Variants in TGFBR1 observed in about 807,000 individuals in gnomAD.
The protein encoded by TGFBR1 is TGF-beta receptor type-1.
Under a neutral mutation model 55.1 loss-of-function variants are expected in TGFBR1, and 20 were observed. That is an observed-to-expected ratio of 0.36 (90% CI 0.26 to 0.53). The LOEUF (loss-of-function observed/expected upper bound fraction) is 0.53, where lower values mean the gene tolerates loss of function less well. Ranked by LOEUF, TGFBR1 falls within the 20% of genes least tolerant of loss-of-function variation. The pLI, the probability that TGFBR1 is intolerant of heterozygous loss-of-function variation, is 0.91. For missense variants in TGFBR1, 385 were observed against 617.6 expected, an observed-to-expected ratio of 0.62 and a Z score of 3.99; for synonymous variants, 220 against 214.8, an observed-to-expected ratio of 1.02 and a Z score of -0.21.
intron 1 of TGFBR1, among the ~76,000 whole-genome samples, chr9:99,106,440 T>G (rs749300046): frequency 3.9e-5 from 6 of 152,214 alleles, no homozygotes; most frequent in Non-Finnish European, 7.3e-5. Flanking sequence ...TGAAATTTTT[T>G]TAAAAAATCA....
Position 99,138,132 on chromosome 9 carries a change from C to G in TGFBR1, c.805+43C>G, listed in dbSNP as rs749308450. ...TTCCTTATGTTATATATAACAAGAT[C>G]TCTTTAAGTCTTTACAGATATGGTG... On this transcript the variant is annotated intron_variant, in intron 4 of 8. Coordinates refer to ENST00000374994, the MANE Select transcript of TGFBR1 (RefSeq NM_004612.4). 2.6e-6 allele frequency: 4 copies of G among 1,532,826 alleles called. No homozygotes were observed. In the African/African-American group the frequency reaches 5.5e-5, roughly 21 times the overall value. 95.0% of individuals were successfully genotyped at this position (1,532,826 alleles called of 1,614,324 possible).
chr9:99,142,937 T>C (rs965778827), intron 5 of TGFBR1, among the ~76,000 whole-genome samples: 1 of 152,198 alleles, frequency 6.6e-6, no homozygotes, highest in Non-Finnish European at 1.5e-5. Flanking sequence ...CATGCACCTG[T>C]AGTCCCAGCT....
chr9:99,112,148 G>C (rs1826604265), intron 1 of TGFBR1, among the ~76,000 whole-genome samples: 1 of 152,206 alleles, frequency 6.6e-6, no homozygotes, highest in Non-Finnish European at 1.5e-5. Context: ...GAAAAAGAAT[G>C]TCTAATTGTG....
chr9:99,112,081 A>T (rs574017857), intron 1 of TGFBR1, among the ~76,000 whole-genome samples: 1 of 152,210 alleles, frequency 6.6e-6, no homozygotes, highest in Non-Finnish European at 1.5e-5. Flanking sequence ...TTCATGGTGT[A>T]AAGGGTGGGC....
At chr9:99,142,387 T>C (rs1827640628) in intron 4 of TGFBR1, 149 bp from the exon 5 acceptor site, 2 of 828,948 alleles carry the variant, frequency 2.4e-6, no homozygotes, top group South Asian at 1.6e-5. Context: ...AAACAAACAA[T>C]GTAGAAGAAA....
chr9:99,143,025 C>T (rs1481941208), intron 5 of TGFBR1, among the ~76,000 whole-genome samples: 1 of 152,086 alleles, frequency 6.6e-6, no homozygotes, highest in Non-Finnish European at 1.5e-5. Context: ...TGCCACTGCA[C>T]TCCCAGCTGA....
intron 4 of TGFBR1, among the ~76,000 whole-genome samples, chr9:99,138,892 G>T (rs893607668): frequency 1.3e-5 from 2 of 151,960 alleles, no homozygotes; most frequent in African/African-American, 4.8e-5. Flanking sequence ...CTGCCTCCTG[G>T]GTTCAAGTGG....
intron 3 of TGFBR1, among the ~76,000 whole-genome samples, chr9:99,134,803 T>TTC (rs34597465): frequency 3.9e-5 from 1 of 25,566 alleles, no homozygotes; most frequent in Non-Finnish European, 8.3e-5. Flanking sequence ...CTGTTTCCAT[T>TTC]ATATATATAT....
intron 1 of TGFBR1, among the ~76,000 whole-genome samples, chr9:99,114,276 G>A (rs570211862): frequency 2.6e-5 from 4 of 152,276 alleles, no homozygotes; most frequent in South Asian, 4.1e-4. Flanking sequence ...ACAATTATCC[G>A]TAAGTTTAGC....
chr9:99,105,295 G>A lies in TGFBR1; in HGVS notation c.90G>A (p.Gly30=). The change falls in exon 1 of 9, where the codon GGG becomes GGA. Residue 30 remains glycine, a synonymous_variant. Coordinates refer to ENST00000374994, the MANE Select transcript of TGFBR1 (RefSeq NM_004612.4). ...CGGCGGCGGCGGCGCTGCTCCCGGG[G>A]GCGACGGGTGAGCGGCGGCGCGGCG... ...AAAAAAALLP[G]ATALQCFCHL... is the part of the protein sequence containing the mutation. 1.0e-6 allele frequency: 1 copy of A among 990,584 alleles called. No homozygotes were observed. Among genetic ancestry groups the A allele is most frequent in the African/African-American group, 1.8e-5 (1 of 56,772 alleles). The allele number at this position is 990,584 out of a possible 1,614,324, so 61.4% of individuals were successfully genotyped here.
At chr9:99,129,532 TTTATGATCTTTTTGCGTAAATTAATTATA>T (rs2118583613) in intron 2 of TGFBR1, among the ~76,000 whole-genome samples, 1 of 152,352 alleles carries the variant, frequency 6.6e-6, no homozygotes, top group East Asian at 1.9e-4. Context: ...TTCAGCTTGT[TTTATGATCTTTTTGCGTAAATTAATTATA>T]CATGATTTCT....
upstream of TGFBR1, among the ~76,000 whole-genome samples, chr9:99,104,634 T>C (rs909290385): frequency 6.6e-6 from 1 of 152,046 alleles, no homozygotes; most frequent in Non-Finnish European, 1.5e-5. Flanking sequence ...CTGCAGCGGA[T>C]CTGGGTGGCA....
rs2118826506 is a variant in TGFBR1 at position 99,146,487 on chromosome 9, A to G, written c.1133A>G (p.Tyr378Cys). ...APNHRVGTKR[Y>C]MAPEVLDDSI... ...TTCTTTTTGCAAATTTTTTTTAGGT[A>G]CATGGCCCCTGAAGTTCTCGATGAT... Residue 378 changes from tyrosine to cysteine, a missense_variant and splice_region_variant, in exon 7 of 9, where the codon TAC becomes TGC. Physicochemically the swap from Tyr to Cys is radical, Grantham distance 194 (BLOSUM62 -2). Transcript: ENST00000374994. 5 of 1,613,870 alleles carry G rather than the reference A, an allele frequency of 3.1e-6. No individual in the cohort carries two copies. Among genetic ancestry groups the G allele is most frequent in the Non-Finnish European group, 4.2e-6 (5 of 1,179,836 alleles).
At chr9:99,139,842 C>T (rs537429190) in intron 4 of TGFBR1, among the ~76,000 whole-genome samples, 3 of 152,172 alleles carry the variant, frequency 2.0e-5, no homozygotes, top group South Asian at 2.1e-4. Context: ...TTTCTCCTCT[C>T]GCAGCTTATT....
At chr9:99,133,009 TA>T (rs1287156320) in intron 3 of TGFBR1, among the ~76,000 whole-genome samples, 1 of 152,210 alleles carries the variant, frequency 6.6e-6, no homozygotes, top group Non-Finnish European at 1.5e-5. Context: ...TTGTATAATC[TA>T]ATTTGCTTTT....
chr9:99,138,341 C>T (rs1181643505), intron 4 of TGFBR1, among the ~76,000 whole-genome samples: 1 of 152,062 alleles, frequency 6.6e-6, no homozygotes, highest in African/African-American at 2.4e-5. Context: ...TTTAAAAAGC[C>T]ATGTACTTTG....
intron 2 of TGFBR1, among the ~76,000 whole-genome samples, chr9:99,131,997 T>C (rs1169578274): frequency 2.0e-5 from 3 of 151,490 alleles, no homozygotes; most frequent in Non-Finnish European, 2.9e-5. Context: ...TGGAGAGATA[T>C]ATACTGAAAT....
At chr9:99,114,389 C>G (rs1317818372) in intron 1 of TGFBR1, among the ~76,000 whole-genome samples, 1 of 152,180 alleles carries the variant, frequency 6.6e-6, no homozygotes, top group Non-Finnish European at 1.5e-5. Flanking sequence ...CATTGCCTAT[C>G]GAGAATTCAT....
At chr9:99,143,372 T>C (rs533719288) in intron 5 of TGFBR1, among the ~76,000 whole-genome samples, 1 of 152,378 alleles carries the variant, frequency 6.6e-6, no homozygotes, top group African/African-American at 2.4e-5. Flanking sequence ...GTAACTGTTA[T>C]CTGGCCATCT....
Sources: gnomAD v4.1 joint callset for allele counts (sites outside exome capture counted in the v4.1 genomes callset) on GRCh38, gnomAD v4.1.1 for gene constraint, MANE v1.5 for transcripts, NCBI Gene and HGNC (gene_info 2026-07-23, HGNC 2026-07-21) for gene names.